SLC30A10: variants seen among roughly 807,000 people sequenced by gnomAD.
The protein encoded by SLC30A10 is calcium/manganese antiporter SLC30A10.
Under a neutral mutation model 21.7 loss-of-function variants are expected in SLC30A10, and 8 were observed. The observed-to-expected ratio is 0.37, with a 90% confidence interval of 0.22 to 0.67. SLC30A10 has a LOEUF of 0.67. Among genes scored for constraint, SLC30A10 ranks in the 30% least tolerant of loss-of-function variants. The probability of loss-of-function intolerance (pLI) is 0.58; values close to 1 mark genes in which losing one functional copy is unlikely to be tolerated. For synonymous variants in SLC30A10, 272 were observed against 279.4 expected (o/e 0.97, Z 0.26); for missense variants, 521 against 642.5 (o/e 0.81, Z 2.04).
chr1:219,950,038 T>A (rs1164141528), intron 1 of SLC30A10, among the ~76,000 whole-genome samples: 1 of 152,186 alleles, frequency 6.6e-6, no homozygotes, highest in African/African-American at 2.4e-5. Flanking sequence ...TAGACAGGAC[T>A]GCAGGAAAAT....
chr1:219,923,404 A>T (rs1331015211), intron 2 of SLC30A10, among the ~76,000 whole-genome samples: 1 of 152,188 alleles, frequency 6.6e-6, no homozygotes, highest in Non-Finnish European at 1.5e-5. Flanking sequence ...CACAAGTTGA[A>T]ATCTGATGTG....
At chr1:219,949,338 C>T (rs922601885) in intron 1 of SLC30A10, among the ~76,000 whole-genome samples, 1 of 151,946 alleles carries the variant, frequency 6.6e-6, no homozygotes, top group African/African-American at 2.4e-5. Context: ...TTCACAATAG[C>T]AAAGACTTGG....
intron 1 of SLC30A10, among the ~76,000 whole-genome samples, chr1:219,935,917 C>T (rs1419487197): frequency 6.6e-6 from 1 of 152,100 alleles, no homozygotes; most frequent in African/African-American, 2.4e-5. Flanking sequence ...TACTATGTTA[C>T]AAATATAAAA....
In SLC30A10 at chr1:219,912,837, GAAAC is replaced by G. The variant is rs1300592708; in HGVS notation, c.*2608_*2611del. ...CGACAGAGCAAGACTCCGTCTCAAA[GAAAC>G]AAACAAACAAACCAAAAAAAAATTA... On this transcript the variant is annotated 3_prime_UTR_variant, in exon 4 of 4. Coordinates refer to ENST00000366926, the MANE Select transcript of SLC30A10 (RefSeq NM_018713.3). Among the ~76,000 whole-genome samples the G allele has an allele frequency of 4.6e-5, 5 of 107,638 alleles. No homozygotes were observed. The highest frequency in any genetic ancestry group is 1.6e-4 in the African/African-American group (5 of 30,322). 70.6% of individuals were successfully genotyped at this position (107,638 alleles called of 152,430 possible). A position where few individuals can be genotyped will look rare whatever the true frequency, so the allele number is the denominator to read the frequency against.
intron 3 of SLC30A10, among the ~76,000 whole-genome samples, chr1:219,916,575 G>A (rs541494679): frequency 5.9e-5 from 9 of 152,284 alleles, no homozygotes; most frequent in East Asian, 1.9e-4. Context: ...TTTTTACACC[G>A]CATATAGAAG....
At position 219,913,549 on chromosome 1, in the gene SLC30A10, G is replaced by A. The variant is rs944047673; in HGVS notation, c.*1900C>T. 1.2e-4 allele frequency: 18 copies of A among 152,140 alleles called. No individual in the cohort carries two copies. Among genetic ancestry groups the A allele is most frequent in the Non-Finnish European group, 2.4e-4 (16 of 68,020 alleles). The allele number at this position is 152,140 out of a possible 1,614,324, so 9.4% of individuals were successfully genotyped here. ...GGAATTTCAACCAATGTTTATGTAG[G>A]AGAATCTGGCCCACTGATCTCCATG... On this transcript the variant is annotated 3_prime_UTR_variant, in exon 4 of 4. Coordinates refer to ENST00000366926, the MANE Select transcript of SLC30A10 (RefSeq NM_018713.3).
Position 219,918,195 on chromosome 1 carries a change from C to A in SLC30A10, c.958+60G>T. 1 of 1,582,002 alleles carries A rather than the reference C, an allele frequency of 6.3e-7. No individual in the cohort carries two copies. The highest frequency in any genetic ancestry group is 1.2e-5 in the South Asian group (1 of 84,516). On this transcript the variant is annotated intron_variant, in intron 3 of 3. Coordinates refer to ENST00000366926, the MANE Select transcript of SLC30A10 (RefSeq NM_018713.3). The surrounding 1 kb of genome is among the most constrained non-coding windows in gnomAD (Gnocchi z 4.4). ...AACACTGCTCTTAAATAATGCTTGTCCTTTGGCCTGAATAACATTAAATTG... is the reference window on the plus strand; with the variant it reads ...AACACTGCTCTTAAATAATGCTTGTACTTTGGCCTGAATAACATTAAATTG...
chr1:219,957,735 C>A (rs951660631), intron 1 of SLC30A10, among the ~76,000 whole-genome samples: 7 of 152,062 alleles, frequency 4.6e-5, no homozygotes, highest in African/African-American at 1.4e-4. Context: ...CTAAAAATTT[C>A]TCTTCTGTAA....
chr1:219,928,210 G>A lies in SLC30A10; in HGVS notation c.231C>T (p.Ala77=), dbSNP rs761765822. The A allele has an allele frequency of 1.9e-6, 3 of 1,561,978 alleles. No individual in the cohort carries two copies. The Admixed American group carries it at 5.8e-5, about 30-fold the overall frequency. ...GFSATYGYAR[A]EVVGALSNAV... is the part of the protein sequence containing the mutation. ...CGTTGCTCAGCGCGCCCACCACCTC[G>A]GCGCGGGCGTAGCCGTAGGTGGCGC... The change falls in exon 1 of 4, where the codon GCC becomes GCT. Residue 77 remains alanine, a synonymous_variant. Transcript: ENST00000366926. The surrounding 1 kb of genome is among the most constrained non-coding windows in gnomAD (Gnocchi z 6.3).
intron 1 of SLC30A10, among the ~76,000 whole-genome samples, chr1:219,940,507 G>A (rs1660106621): frequency 6.6e-6 from 1 of 152,214 alleles, no homozygotes; most frequent in African/African-American, 2.4e-5. Context: ...GTACATTTGG[G>A]ATGGTTTGTT....
At chr1:219,924,810 T>C (rs1282844299) in intron 2 of SLC30A10, among the ~76,000 whole-genome samples, 1 of 152,236 alleles carries the variant, frequency 6.6e-6, no homozygotes, top group East Asian at 1.9e-4. Flanking sequence ...TTTATATGTT[T>C]CATTTATTTC....
At chr1:219,916,029 T>C in intron 3 of SLC30A10, 81 bp from the exon 4 acceptor site, 2 of 1,515,226 alleles carry the variant, frequency 1.3e-6, no homozygotes, top group Non-Finnish European at 8.8e-7. Flanking sequence ...ATGGTTCCGT[T>C]AAGCATTCTC....
At chr1:219,949,937 T>C (rs1660246014) in intron 1 of SLC30A10, among the ~76,000 whole-genome samples, 1 of 151,956 alleles carries the variant, frequency 6.6e-6, no homozygotes. Context: ...AGCTAGCCAA[T>C]AAGAAAACCA....
In SLC30A10 at chr1:219,912,170, C is replaced by CAAAAA. The variant is rs59792236; in HGVS notation, c.*3274_*3278dup. On this transcript the variant is annotated 3_prime_UTR_variant, in exon 4 of 4. Coordinates refer to ENST00000366926, the MANE Select transcript of SLC30A10 (RefSeq NM_018713.3). ...CCACTGGAATTTGCTCTACCAATGG[C>CAAAAA]AAAAAAAAAAAAAAAAAAAAAAAAA... 1.1e-4 allele frequency among the ~76,000 whole-genome samples: 8 copies of CAAAAA among 74,718 alleles called. No homozygotes were observed. The highest frequency in any genetic ancestry group is 1.6e-4 in the African/African-American group (3 of 18,304). 49.0% of individuals were successfully genotyped at this position (74,718 alleles called of 152,430 possible).
At chr1:219,919,406 C>G (rs913982969) in intron 2 of SLC30A10, among the ~76,000 whole-genome samples, 1 of 152,078 alleles carries the variant, frequency 6.6e-6, no homozygotes, top group Non-Finnish European at 1.5e-5. Flanking sequence ...ATCAGCATCA[C>G]CTAGGAGGTT....
chr1:219,918,322 C>A lies in SLC30A10; in HGVS notation c.891G>T (p.Pro297=). The A allele has an allele frequency of 6.2e-7, 1 of 1,614,050 alleles. No homozygotes were observed. Among genetic ancestry groups the A allele is most frequent in the South Asian group, 1.1e-5 (1 of 91,070 alleles). Residue 297 remains proline, a synonymous_variant, in exon 3 of 4, where the codon CCG becomes CCT. Transcript: ENST00000366926. This position sits in a 1 kb window ranked among gnomAD's most constrained non-coding sequence, Gnocchi z 4.4. ...GAATGGCAGCGGTCTCCTTGATAAGCGGGAAGGCAGATGACAAAATGATGA... is the reference window on the plus strand; with the variant it reads ...GAATGGCAGCGGTCTCCTTGATAAGAGGGAAGGCAGATGACAAAATGATGA... ...MVIIILSSAF[P]LIKETAAILL...
chr1:219,922,500 C>T (rs984353924), intron 2 of SLC30A10, among the ~76,000 whole-genome samples: 3 of 151,812 alleles, frequency 2.0e-5, no homozygotes, highest in African/African-American at 7.3e-5. Context: ...ACGGGAGACT[C>T]GTGGGAAACT....
rs984564430 is a variant in SLC30A10, at chr1:219,915,572, G to A, written c.1335C>T (p.Leu445=). The change falls in exon 4 of 4, where the codon CTC becomes CTT. Residue 445 remains leucine (L), a synonymous_variant. Coordinates refer to ENST00000366926, the MANE Select transcript of SLC30A10 (RefSeq NM_018713.3). The stretch of plus-strand genomic sequence containing the variant: ...CCACTTCTCTTGCGTCTCTTCTACT[G>A]AGGCCATCACTTCCGTATGTGTCTA... The part of the protein sequence containing the change: ...PSLDTYGSDG[L]SRRDAREVAI... 6.2e-7 allele frequency: 1 copy of A among 1,614,208 alleles called. No individual in the cohort carries two copies. The highest frequency in any genetic ancestry group is 1.7e-5 in the Admixed American group (1 of 60,030).
In SLC30A10 at chr1:219,914,620, G is replaced by C. The variant is rs1049134147; in HGVS notation, c.*829C>G. The C allele has an allele frequency of 6.6e-6, 1 of 152,104 alleles. No individual in the cohort carries two copies. The highest frequency in any genetic ancestry group is 1.5e-5 in the Non-Finnish European group (1 of 67,998). 9.4% of individuals were successfully genotyped at this position (152,104 alleles called of 1,614,324 possible). On this transcript the variant is annotated 3_prime_UTR_variant, in exon 4 of 4. Transcript: ENST00000366926. Reference sequence around the variant, plus strand: ...ATTCAAACGAAATTTGGAAAAATAAGTAAATCATTATCAAAGCACTAAATG... The same window carrying C: ...ATTCAAACGAAATTTGGAAAAATAACTAAATCATTATCAAAGCACTAAATG...
Sources: gnomAD v4.1 joint callset for allele counts (sites outside exome capture counted in the v4.1 genomes callset) on GRCh38, gnomAD v4.1.1 for gene constraint, Gnocchi (gnomAD v3.1) non-coding constraint, MANE v1.5 for transcripts, NCBI Gene and HGNC (gene_info 2026-07-23, HGNC 2026-07-21) for gene names.